Variants in PLCB4 observed in about 807,000 individuals in gnomAD.
PLCB4 encodes 1-phosphatidylinositol 4,5-bisphosphate phosphodiesterase beta-4.
PLCB4 carries 77 observed loss-of-function variants against 178.8 expected under a neutral mutation model. The ratio of observed to expected loss-of-function variants is 0.43; its 90% CI spans 0.36 to 0.52. The LOEUF is 0.52. PLCB4 is among the 20% of genes least tolerant of loss of function. The probability of loss-of-function intolerance (pLI) is 0.00; values close to 1 mark genes in which losing one functional copy is unlikely to be tolerated. For missense variants in PLCB4, 1,024 were observed against 1,453.4 expected, an observed-to-expected ratio of 0.70 and a Z score of 4.80; for synonymous variants, 496 against 490.8, an observed-to-expected ratio of 1.01 and a Z score of -0.14.
chr20:9,164,882 A>G (rs2092944794), intron 2 of PLCB4, among the ~76,000 whole-genome samples: 1 of 152,168 alleles, frequency 6.6e-6, no homozygotes. Context: ...TTTGAGGTAG[A>G]GTCAGGTTTT....
intron 2 of PLCB4, among the ~76,000 whole-genome samples, chr20:9,185,345 C>T (rs2147110278): frequency 6.6e-6 from 1 of 152,126 alleles, no homozygotes; most frequent in South Asian, 2.1e-4. Flanking sequence ...TTAGAAAGGG[C>T]ATATTATTCA....
rs150350714 is a variant in PLCB4, at chr20:9,437,055, G to A, written c.2667G>A (p.Lys889=). The A allele has an allele frequency of 1.2e-6, 2 of 1,614,012 alleles. No individual in the cohort carries two copies. Among genetic ancestry groups the A allele is most frequent in the African/African-American group, 1.3e-5 (1 of 75,030 alleles). Residue 889 remains lysine, a synonymous_variant, in exon 30 of 40, where the codon AAG becomes AAA. Transcript: ENST00000378473. ...SDTSKNDKKG[K]ANTAKANVTP... Reference sequence around the variant, plus strand: ...CTTCCAAAAATGACAAGAAAGGAAAGGCCAACACCGCCAAAGCAAATGTGA... The same window carrying A: ...CTTCCAAAAATGACAAGAAAGGAAAAGCCAACACCGCCAAAGCAAATGTGA...
At chr20:9,156,684 T>C (rs577389956) in intron 2 of PLCB4, among the ~76,000 whole-genome samples, 1 of 152,134 alleles carries the variant, frequency 6.6e-6, no homozygotes, top group Non-Finnish European at 1.5e-5. Flanking sequence ...TCAGGTACAT[T>C]TGACATTCAA....
At chr20:9,337,024 A>C in intron 4 of PLCB4, 102 bp from the exon 5 acceptor site, 1 of 774,288 alleles carries the variant, frequency 1.3e-6, no homozygotes, top group Non-Finnish European at 2.3e-6. Context: ...ATTACATACA[A>C]AAGAGTGATT....
At chr20:9,341,723 C>T (rs1003846947) in intron 7 of PLCB4, among the ~76,000 whole-genome samples, 11 of 150,648 alleles carry the variant, frequency 7.3e-5, no homozygotes, top group Non-Finnish European at 1.5e-4. Context: ...CATGTTGTTC[C>T]ATGACCAGTG....
At chr20:9,368,960 T>G (rs1200116446) in intron 9 of PLCB4, among the ~76,000 whole-genome samples, 1 of 152,172 alleles carries the variant, frequency 6.6e-6, no homozygotes, top group Non-Finnish European at 1.5e-5. Context: ...TATAGAGATT[T>G]GAGTAAATCA....
intron 1 of PLCB4, among the ~76,000 whole-genome samples, chr20:9,080,616 T>G (rs2090098240): frequency 6.6e-6 from 1 of 152,218 alleles, no homozygotes; most frequent in South Asian, 2.1e-4. Context: ...CTTCATTACT[T>G]AGCCCTTAAA....
At chr20:9,213,379 A>C (rs1450646596) in intron 2 of PLCB4, among the ~76,000 whole-genome samples, 2 of 151,966 alleles carry the variant, frequency 1.3e-5, no homozygotes, top group Non-Finnish European at 2.9e-5. Context: ...TCCTGACCTT[A>C]GGTGATCCAC....
chr20:9,082,850 G>A (rs2090219623), intron 1 of PLCB4, among the ~76,000 whole-genome samples: 1 of 152,144 alleles, frequency 6.6e-6, no homozygotes, highest in Non-Finnish European at 1.5e-5. Flanking sequence ...AGCTACCAAA[G>A]GGAAATGAGG....
intron 7 of PLCB4, among the ~76,000 whole-genome samples, chr20:9,339,246 A>G (rs1293816933): frequency 1.3e-5 from 2 of 152,156 alleles, no homozygotes; most frequent in Non-Finnish European, 2.9e-5. Flanking sequence ...AATACCTACT[A>G]CGATATGTTG....
At chr20:9,198,360 A>G (rs762967425) in intron 2 of PLCB4, among the ~76,000 whole-genome samples, 5 of 152,234 alleles carry the variant, frequency 3.3e-5, no homozygotes, top group Non-Finnish European at 7.3e-5. Context: ...CTTGCTGTAA[A>G]AATAGAAGAA....
intron 2 of PLCB4, among the ~76,000 whole-genome samples, chr20:9,098,517 C>T (rs2091004989): frequency 6.6e-6 from 1 of 151,754 alleles, no homozygotes; most frequent in African/African-American, 2.4e-5. Flanking sequence ...GGAAAAGGCT[C>T]CTCAGCTGCA....
chr20:9,377,646 T>C (rs1224634440), intron 12 of PLCB4, among the ~76,000 whole-genome samples: 1 of 152,194 alleles, frequency 6.6e-6, no homozygotes, highest in Non-Finnish European at 1.5e-5. Flanking sequence ...GCGAATGTAA[T>C]TTTCAGAATA....
chr20:9,165,301 G>A (rs1029323646), intron 2 of PLCB4, among the ~76,000 whole-genome samples: 1 of 152,114 alleles, frequency 6.6e-6, no homozygotes, highest in African/African-American at 2.4e-5. Flanking sequence ...ACTTTCATTT[G>A]GGAAAGCTTT....
intron 2 of PLCB4, among the ~76,000 whole-genome samples, chr20:9,133,146 A>G (rs903267773): frequency 1.1e-4 from 16 of 152,024 alleles, no homozygotes; most frequent in Admixed American, 1.0e-3. Flanking sequence ...GCAGCAAACT[A>G]CTTCCTATTT....
intron 13 of PLCB4, among the ~76,000 whole-genome samples, chr20:9,381,244 TC>T (rs1228602078): frequency 6.6e-6 from 1 of 152,228 alleles, no homozygotes; most frequent in African/African-American, 2.4e-5. Context: ...ATCTAACACT[TC>T]GCATTGGCAG....
chr20:9,174,127 C>CTTGTT lies in PLCB4; in HGVS notation c.-78-43245_-78-43241dup, dbSNP rs1194876491. Reference sequence around the variant, plus strand: ...GGTTTTGCTGCTACTGCTGCTGCTTCTTGTTTTGTTTTGTTTTGTTTTTTT... The same window carrying CTTGTT: ...GGTTTTGCTGCTACTGCTGCTGCTTCTTGTTTTGTTTTGTTTTGTTTTGTTTTTTT... On this transcript the variant is annotated intron_variant, in intron 2 of 39. Transcript: ENST00000378473. 4.0e-5 allele frequency among the ~76,000 whole-genome samples: 6 copies of CTTGTT among 151,884 alleles called. No homozygotes were observed. The East Asian group carries it at 7.7e-4, about 20-fold the overall frequency.
At position 9,124,462 on chromosome 20, in the gene PLCB4, G is replaced by A. The variant is rs115057356; in HGVS notation, c.-79+28120G>A. On this transcript the variant is annotated intron_variant, in intron 2 of 39. Coordinates refer to ENST00000378473, the MANE Select transcript of PLCB4 (RefSeq NM_001377142.1). Reference sequence around the variant, plus strand: ...CAGTGAGGTATGATGGTGCCAGTACGTTCCAGCCTGCGTGACAGAATAGGA... The same window carrying A: ...CAGTGAGGTATGATGGTGCCAGTACATTCCAGCCTGCGTGACAGAATAGGA... Among the ~76,000 whole-genome samples the A allele has an allele frequency of 8.6e-3, 1,313 of 152,260 alleles. 16 individuals carry two copies. The highest frequency in any genetic ancestry group is 0.029 in the African/African-American group (1,190 of 41,550).
chr20:9,396,188 T>A (rs2038572199), intron 19 of PLCB4, among the ~76,000 whole-genome samples: 1 of 152,220 alleles, frequency 6.6e-6, no homozygotes, highest in Non-Finnish European at 1.5e-5. Flanking sequence ...AGAGAATCCC[T>A]GAAGCACTTG....
Sources: allele counts gnomAD v4.1 joint callset (sites outside exome capture counted in the v4.1 genomes callset), GRCh38; gene constraint gnomAD v4.1.1; transcripts MANE v1.5; gene names NCBI Gene and HGNC (gene_info 2026-07-23, HGNC 2026-07-21).